Variants in C11orf54 observed in about 807,000 individuals in gnomAD.
C11orf54 encodes beta-keto L-gulonate decarboxylase.
A neutral mutation model predicts 35.5 loss-of-function variants in C11orf54; 29 were observed. The observed-to-expected ratio is 0.82, with a 90% CI of 0.61 to 1.11. The LOEUF (loss-of-function observed/expected upper bound fraction) is 1.11. Ranked by LOEUF, C11orf54 falls within the 50% of genes most tolerant of loss-of-function variation. C11orf54 has a pLI of 0.00. For synonymous variants in C11orf54, 108 were observed against 121.1 expected, an observed-to-expected ratio of 0.89 and a Z score of 0.71; for missense variants, 373 against 369.2, an observed-to-expected ratio of 1.01 and a Z score of -0.08.
At position 93,761,579 on chromosome 11, in the gene C11orf54, A is replaced by G; in HGVS notation, c.839A>G (p.His280Arg). Residue 280 changes from histidine to arginine, a missense_variant, in exon 9 of 9, where the codon CAT becomes CGT. Transcript: ENST00000354421. Reference sequence around the variant, plus strand: ...CGTCATGGAGAAGGTGGACACTACCATTATGACACTACTCCAGATATAGTG... The same window carrying G: ...CGTCATGGAGAAGGTGGACACTACCGTTATGACACTACTCCAGATATAGTG... ...FSRHGEGGHY[H>R]YDTTPDIVEY... 6.2e-7 allele frequency: 1 copy of G among 1,613,312 alleles called. No individual in the cohort carries two copies. Among genetic ancestry groups the G allele is most frequent in the Non-Finnish European group, 8.5e-7 (1 of 1,179,672 alleles).
At chr11:93,750,211 A>G (rs986285404) in intron 2 of C11orf54, 135 bp from the exon 3 acceptor site, 1 of 623,864 alleles carries the variant, frequency 1.6e-6, no homozygotes, top group Non-Finnish European at 2.8e-6. Flanking sequence ...ATATTCATTA[A>G]TAAGACCATT....
intron 1 of C11orf54, chr11:93,742,930 AAAGGG>A (rs1942203613): frequency 6.6e-6 from 1 of 152,208 alleles, no homozygotes; most frequent in African/African-American, 2.4e-5. Flanking sequence ...AAGTGCTATT[AAAGGG>A]AAGGAACATT....
intron 3 of C11orf54, among the ~76,000 whole-genome samples, chr11:93,750,788 A>G (rs948601603): frequency 6.6e-6 from 1 of 152,222 alleles, no homozygotes; most frequent in Non-Finnish European, 1.5e-5. Flanking sequence ...TTTATTCAAG[A>G]CCAGAAGGGA....
rs139455411 is a variant in C11orf54, at chr11:93,749,224, A to G, written c.56-1122A>G. On this transcript the variant is annotated intron_variant, in intron 2 of 8. Transcript: ENST00000354421. ...TAGGCTGATGCAGTGGCTCATGCCT[A>G]TAATTCCAGCATTTTGGGAGGCCAA... Among the ~76,000 whole-genome samples the G allele has an allele frequency of 3.0e-4, 45 of 151,970 alleles. 1 individual carries two copies. In the East Asian group the frequency reaches 4.7e-3, roughly 16 times the overall value.
intron 4 of C11orf54, 27 bp downstream of exon 4, chr11:93,753,782 C>T (rs1942974164): frequency 6.2e-7 from 1 of 1,603,780 alleles, no homozygotes; most frequent in South Asian, 1.1e-5. Context: ...TGCATATTCA[C>T]ATGAAGATTG....
chr11:93,755,474 C>A, intron 6 of C11orf54, 88 bp downstream of exon 6: 1 of 1,442,828 alleles, frequency 6.9e-7, no homozygotes, highest in Non-Finnish European at 9.4e-7. Context: ...TATGGTTTTG[C>A]TAAGAAAATT....
At chr11:93,745,120 C>T (rs1386590360) in intron 1 of C11orf54, among the ~76,000 whole-genome samples, 1 of 152,200 alleles carries the variant, frequency 6.6e-6, no homozygotes, top group African/African-American at 2.4e-5. Context: ...GGGTGGTTTT[C>T]TCCTATCTCA....
chr11:93,758,423 G>C (rs979197504), intron 7 of C11orf54, among the ~76,000 whole-genome samples: 2 of 152,338 alleles, frequency 1.3e-5, no homozygotes, highest in East Asian at 3.9e-4. Flanking sequence ...GCAGGCAGGA[G>C]CCCTGCCTTC....
chr11:93,750,259 GTGTGTT>G (rs1942743862), intron 2 of C11orf54, 81 bp from the exon 3 acceptor site: 1 of 898,920 alleles, frequency 1.1e-6, no homozygotes, highest in Non-Finnish European at 1.8e-6. Context: ...GAGATTGGGA[GTGTGTT>G]GAGAGCCACA....
chr11:93,749,504 C>CAAAAAAA (rs10624807), intron 2 of C11orf54, among the ~76,000 whole-genome samples: 1 of 71,736 alleles, frequency 1.4e-5, no homozygotes, highest in African/African-American at 6.3e-5. Context: ...GACTCTGTCT[C>CAAAAAAA]AAAAAAAAAA....
chr11:93,755,939 G>T (rs985391260), intron 6 of C11orf54, among the ~76,000 whole-genome samples: 2 of 151,926 alleles, frequency 1.3e-5, no homozygotes, highest in East Asian at 3.9e-4. Flanking sequence ...GGCCAAGGTG[G>T]GTAGATCACC....
chr11:93,754,131 A>G, intron 5 of C11orf54, 94 bp downstream of exon 5: 1 of 1,034,018 alleles, frequency 9.7e-7, no homozygotes. Context: ...TTCTGAGTGA[A>G]TTGTAAATCT....
intron 1 of C11orf54, among the ~76,000 whole-genome samples, chr11:93,742,483 C>T (rs539268899): frequency 6.6e-6 from 1 of 152,082 alleles, no homozygotes; most frequent in African/African-American, 2.4e-5. Flanking sequence ...GGGGGTTTCT[C>T]CATGTTGGTC....
At chr11:93,746,902 C>G (rs975728240) in intron 1 of C11orf54, 2 of 152,268 alleles carry the variant, frequency 1.3e-5, no homozygotes, top group African/African-American at 4.8e-5. Context: ...CCATAAACCC[C>G]TAATAAGTAC....
At position 93,752,680 on chromosome 11, in the gene C11orf54, C is replaced by T. The variant is rs533309662; in HGVS notation, c.155-1002C>T. On this transcript the variant is annotated intron_variant, in intron 3 of 8. Coordinates refer to ENST00000354421, the MANE Select transcript of C11orf54 (RefSeq NM_001286069.2). ...TATCTGGGTATTTTTTAAATCCACTCTTATGGTTTTAATTACTACCTGAAT... is the reference window on the plus strand; with the variant it reads ...TATCTGGGTATTTTTTAAATCCACTTTTATGGTTTTAATTACTACCTGAAT... Among the ~76,000 whole-genome samples, 33 of 150,340 alleles carry T rather than the reference C, an allele frequency of 2.2e-4. No homozygotes were observed. The South Asian group carries it at 5.7e-3, about 26-fold the overall frequency.
At chr11:93,754,255 C>A (rs1041094912) in intron 5 of C11orf54, among the ~76,000 whole-genome samples, 1 of 152,182 alleles carries the variant, frequency 6.6e-6, no homozygotes, top group Non-Finnish European at 1.5e-5. Flanking sequence ...GTCATAGCTT[C>A]AGCCTTAGAT....
intron 6 of C11orf54, among the ~76,000 whole-genome samples, 188 bp from the exon 7 acceptor site, chr11:93,757,128 G>A (rs1408118547): frequency 6.6e-6 from 1 of 152,086 alleles, no homozygotes; most frequent in Non-Finnish European, 1.5e-5. Flanking sequence ...ATAAGTATGT[G>A]TGTGTGTGTG....
At chr11:93,756,312 C>CA (rs35695203) in intron 6 of C11orf54, among the ~76,000 whole-genome samples, 73,412 of 119,710 alleles carry the variant, frequency 0.61, 21,627 homozygotes, top group Admixed American at 0.71. Flanking sequence ...AAGACCCTGT[C>CA]AAAAAAAAAA....
In C11orf54 at chr11:93,761,530, C is replaced by CACTCA; in HGVS notation, c.790_791insACTCA (p.Leu264HisfsTer26). On this transcript the variant is annotated frameshift_variant, in exon 9 of 9. Coordinates refer to ENST00000354421, the MANE Select transcript of C11orf54 (RefSeq NM_001286069.2). LOFTEE classifies it high-confidence loss of function. ...GTTATCTTAGGGGTTTGATTTGCGA[C>CACTCA]TGGAGCACACTCATTTTTTTAGTCG... is the stretch of plus-strand genomic sequence containing the variant. 1 of 1,605,906 alleles carries CACTCA rather than the reference C, an allele frequency of 6.2e-7. No individual in the cohort carries two copies. The highest frequency in any genetic ancestry group is 2.2e-5 in the East Asian group (1 of 44,566).
Sources: allele counts gnomAD v4.1 joint callset (sites outside exome capture counted in the v4.1 genomes callset), GRCh38; gene constraint gnomAD v4.1.1; transcripts MANE v1.5; gene names NCBI Gene and HGNC (gene_info 2026-07-23, HGNC 2026-07-21).